CDK14: variants seen among roughly 807,000 people sequenced by gnomAD.
CDK14 encodes cyclin-dependent kinase 14.
CDK14 carries 34 observed loss-of-function variants against 60.7 expected under a neutral mutation model. The ratio of observed to expected loss-of-function variants is 0.56; its 90% confidence interval spans 0.43 to 0.75. The LOEUF is 0.75. Among genes scored for constraint, CDK14 ranks in the 30% least tolerant of loss-of-function variants. The pLI, the probability that CDK14 is intolerant of heterozygous loss-of-function variation, is 0.00. For missense variants in CDK14, 482 were observed against 564.1 expected (o/e 0.85, Z 1.47); for synonymous variants, 197 against 203.7 (o/e 0.97, Z 0.28).
intron 2 of CDK14, among the ~76,000 whole-genome samples, chr7:90,680,803 GT>G (rs1563042484): frequency 6.6e-6 from 1 of 152,128 alleles, no homozygotes; most frequent in African/African-American, 2.4e-5. Flanking sequence ...TTATTGACCT[GT>G]TTCTTCCTAA....
At position 91,034,414 on chromosome 7, in the gene CDK14, T is replaced by C. The variant is rs144394723; in HGVS notation, c.1042-11483T>C. Reference sequence around the variant, plus strand: ...AAATATTCCTTAGATGATTCCTGTGTCCAGCCAAGCACCACTAAATGAGAC... The same window carrying C: ...AAATATTCCTTAGATGATTCCTGTGCCCAGCCAAGCACCACTAAATGAGAC... On this transcript the variant is annotated intron_variant, in intron 10 of 14. Transcript: ENST00000380050. Among the ~76,000 whole-genome samples the C allele has an allele frequency of 4.4e-3, 670 of 152,250 alleles. 4 individuals are homozygous for C. Among genetic ancestry groups the C allele is most frequent in the African/African-American group, 0.016 (646 of 41,524 alleles).
At chr7:91,170,253 T>C (rs1584159041) in intron 14 of CDK14, among the ~76,000 whole-genome samples, 1 of 151,986 alleles carries the variant, frequency 6.6e-6, no homozygotes, top group Non-Finnish European at 1.5e-5. Flanking sequence ...TAATAAATGC[T>C]CATTTTAGCA....
intron 1 of CDK14, among the ~76,000 whole-genome samples, chr7:90,603,289 T>A (rs1315604187): frequency 6.6e-6 from 1 of 152,200 alleles, no homozygotes; most frequent in Non-Finnish European, 1.5e-5. Flanking sequence ...GGTGAAAAAA[T>A]TCCAGTTCTA....
At chr7:91,182,628 G>C (rs369980328) in intron 14 of CDK14, among the ~76,000 whole-genome samples, 12 of 152,012 alleles carry the variant, frequency 7.9e-5, no homozygotes, top group Non-Finnish European at 1.3e-4. Flanking sequence ...AAGCAAGTAC[G>C]TATCTATATT....
chr7:90,863,007 C>A (rs1791057324), intron 5 of CDK14, among the ~76,000 whole-genome samples, 168 bp from the exon 6 acceptor site: 2 of 151,942 alleles, frequency 1.3e-5, no homozygotes. Flanking sequence ...TAGTGAGACC[C>A]CATCTCAAAA....
intron 12 of CDK14, among the ~76,000 whole-genome samples, chr7:91,102,208 C>G (rs1799165481): frequency 6.6e-6 from 1 of 152,094 alleles, no homozygotes; most frequent in Non-Finnish European, 1.5e-5. Context: ...TGTGACGGTG[C>G]ATAAAGTATG....
At chr7:90,805,193 T>A (rs554416547) in intron 5 of CDK14, among the ~76,000 whole-genome samples, 1 of 152,220 alleles carries the variant, frequency 6.6e-6, no homozygotes, top group South Asian at 2.1e-4. Flanking sequence ...GTAAACTTCT[T>A]GTCATGATAG....
At chr7:90,701,129 C>G (rs565611720) in intron 2 of CDK14, among the ~76,000 whole-genome samples, 51 of 152,286 alleles carry the variant, frequency 3.3e-4, no homozygotes, top group African/African-American at 1.2e-3. Context: ...TGGCCAGAAG[C>G]CTTTAAAGGT....
chr7:91,092,295 T>G (rs928886306), intron 12 of CDK14, among the ~76,000 whole-genome samples: 10 of 152,112 alleles, frequency 6.6e-5, no homozygotes, highest in Admixed American at 2.6e-4. Flanking sequence ...CAAACCACAC[T>G]TTGGAGCATC....
intron 10 of CDK14, among the ~76,000 whole-genome samples, chr7:91,024,708 C>T (rs764616845): frequency 2.0e-5 from 3 of 152,104 alleles, no homozygotes; most frequent in Non-Finnish European, 4.4e-5. Flanking sequence ...TTTCGGCAGC[C>T]GCACTCTAAT....
At chr7:90,795,240 A>T (rs1451312938) in intron 5 of CDK14, among the ~76,000 whole-genome samples, 2 of 152,154 alleles carry the variant, frequency 1.3e-5, no homozygotes, top group African/African-American at 4.8e-5. Context: ...TATTTTGGAA[A>T]AATTCCTTAG....
intron 5 of CDK14, among the ~76,000 whole-genome samples, chr7:90,812,825 T>G (rs1160870891): frequency 6.6e-6 from 1 of 152,206 alleles, no homozygotes; most frequent in Non-Finnish European, 1.5e-5. Flanking sequence ...AATATCTGCT[T>G]GTGGTACCCC....
intron 10 of CDK14, among the ~76,000 whole-genome samples, chr7:91,035,109 T>A (rs1796883612): frequency 6.6e-6 from 1 of 152,184 alleles, no homozygotes; most frequent in South Asian, 2.1e-4. Flanking sequence ...TTCTCTGCCC[T>A]CCTTCATCTA....
intron 10 of CDK14, among the ~76,000 whole-genome samples, chr7:91,000,805 A>G (rs3808286): frequency 0.15 from 22,299 of 152,236 alleles, 1,855 homozygotes; most frequent in Middle Eastern, 0.28. Context: ...CGAATCATCT[A>G]GAATGTTTAT....
chr7:90,668,757 G>A (rs1258064114), intron 2 of CDK14, among the ~76,000 whole-genome samples: 4 of 133,326 alleles, frequency 3.0e-5, no homozygotes, highest in East Asian at 2.4e-4. Context: ...TGCCCAGACT[G>A]GAGTGCAATG....
At chr7:91,089,562 T>C (rs901609207) in intron 12 of CDK14, among the ~76,000 whole-genome samples, 2 of 116,114 alleles carry the variant, frequency 1.7e-5, no homozygotes, top group African/African-American at 2.9e-5. Flanking sequence ...GGCAGCATGC[T>C]CTGAGGGGAA....
At chr7:90,733,677 C>A (rs991995859) in intron 3 of CDK14, among the ~76,000 whole-genome samples, 2 of 152,264 alleles carry the variant, frequency 1.3e-5, no homozygotes, top group East Asian at 3.9e-4. Context: ...ATTCCTCCAT[C>A]CCTTTATTTT....
intron 7 of CDK14, among the ~76,000 whole-genome samples, chr7:90,915,377 T>G (rs558473333): frequency 1.3e-5 from 2 of 152,258 alleles, no homozygotes; most frequent in East Asian, 3.9e-4. Context: ...AGGCAGAGGT[T>G]GCAGTGAGCT....
intron 10 of CDK14, among the ~76,000 whole-genome samples, chr7:90,984,736 T>C (rs1223370694): frequency 6.6e-6 from 1 of 152,226 alleles, no homozygotes; most frequent in Non-Finnish European, 1.5e-5. Context: ...GTTAGTGGGC[T>C]GTACCCTTGA....
Sources: allele counts gnomAD v4.1 joint callset (sites outside exome capture counted in the v4.1 genomes callset), GRCh38; gene constraint gnomAD v4.1.1; transcripts MANE v1.5; gene names NCBI Gene and HGNC (gene_info 2026-07-23, HGNC 2026-07-21).